The following ZSCAN5A variants were observed in gnomAD, a reference collection of about 807,000 sequenced individuals.
The protein encoded by ZSCAN5A is zinc finger and SCAN domain-containing protein 5A.
In ZSCAN5A, 12 loss-of-function variants were observed where a neutral mutation model predicts 23.7. The ratio of observed to expected loss-of-function variants is 0.51; its 90% confidence interval spans 0.32 to 0.82. The LOEUF (loss-of-function observed/expected upper bound fraction) is 0.82. Among genes scored for constraint, ZSCAN5A ranks in the 40% least tolerant of loss-of-function variants. The pLI is 0.03. For missense variants in ZSCAN5A, 597 were observed against 617.9 expected (o/e 0.97, Z 0.36); for synonymous variants, 257 against 239.9 (o/e 1.07, Z -0.66).
intron 2 of ZSCAN5A, among the ~76,000 whole-genome samples, chr19:56,346,128 A>G (rs116243848): frequency 0.011 from 1,714 of 152,038 alleles, 31 homozygotes; most frequent in African/African-American, 0.04. Context: ...GTCAGCTGAG[A>G]AGAAAAAACC....
At chr19:56,238,063 C>A (rs973012427) in intron 2 of ZSCAN5A, among the ~76,000 whole-genome samples, 12 of 7,688 alleles carry the variant, frequency 1.6e-3, no homozygotes, top group Non-Finnish European at 2.5e-3. Context: ...TGTGTCTAGT[C>A]CCCTAGACAC....
intron 2 of ZSCAN5A, among the ~76,000 whole-genome samples, chr19:56,240,360 C>A (rs751864354): frequency 3.3e-5 from 5 of 152,132 alleles, no homozygotes; most frequent in African/African-American, 9.7e-5. Flanking sequence ...GAAATGTAAT[C>A]AACTCGGATC....
intron 2 of ZSCAN5A, chr19:56,247,510 G>T (rs75847116): frequency 6.2e-6 from 1 of 161,048 alleles, no homozygotes; most frequent in Non-Finnish European, 1.4e-5. Flanking sequence ...TTTCACTGAC[G>T]CTATTAGATG....
intron 2 of ZSCAN5A, among the ~76,000 whole-genome samples, chr19:56,249,652 T>G (rs1318883348): frequency 6.6e-6 from 1 of 152,222 alleles, no homozygotes; most frequent in Non-Finnish European, 1.5e-5. Flanking sequence ...ACTGTTCACA[T>G]GGTTCTTTAA....
At chr19:56,318,305 A>T (rs2041339102), upstream of ZSCAN5A, among the ~76,000 whole-genome samples, 1 of 152,218 alleles carries the variant, frequency 6.6e-6, no homozygotes, top group African/African-American at 2.4e-5. Context: ...AACAAGGCAC[A>T]TTAAATACAT....
intron 2 of ZSCAN5A, chr19:56,310,310 T>A (rs2040956807): frequency 6.6e-6 from 1 of 152,208 alleles, no homozygotes; most frequent in Non-Finnish European, 1.5e-5. Flanking sequence ...GGCCAGAAGG[T>A]GTCTGTGGGG....
chr19:56,253,059 G>A (rs1340384131), intron 2 of ZSCAN5A, among the ~76,000 whole-genome samples: 1 of 152,234 alleles, frequency 6.6e-6, no homozygotes. Flanking sequence ...GTGATTGCAG[G>A]GCCGGCACTG....
At chr19:56,313,537 A>G (rs1376468204) in intron 1 of ZSCAN5A, 153 bp from the exon 2 acceptor site, 1 of 153,370 alleles carries the variant, frequency 6.5e-6, no homozygotes, top group African/African-American at 2.4e-5. Context: ...CAGCCAAACC[A>G]TATCAGAAGA....
intron 2 of ZSCAN5A, chr19:56,245,507 G>T (rs891410481): frequency 2.1e-5 from 9 of 418,900 alleles, no homozygotes; most frequent in Non-Finnish European, 3.9e-5. Context: ...GACTGATTGA[G>T]AGATTTGGCA....
At position 56,225,220 on chromosome 19, in the gene ZSCAN5A, T is replaced by C. The variant is rs542606114; in HGVS notation, c.-127-47A>G. On this transcript the variant is annotated intron_variant, in intron 2 of 5. Transcript: ENST00000683990. ...CTCATTAGTTTAAGTTACTACTCCA[T>C]CCATCCCTCCCTTCGAAATCCCTCA... 162 of 1,403,132 alleles carry C rather than the reference T, an allele frequency of 1.2e-4. 1 individual carries two copies. In the African/African-American group the frequency reaches 2.2e-3, roughly 19 times the overall value. 86.9% of individuals were successfully genotyped at this position (1,403,132 alleles called of 1,614,324 possible).
At chr19:56,329,013 AT>A (rs1367896113) in intron 2 of ZSCAN5A, among the ~76,000 whole-genome samples, 302 of 150,578 alleles carry the variant, frequency 2.0e-3, no homozygotes, top group African/African-American at 6.8e-3. Context: ...AAAAAAATAA[AT>A]AAATAAATAA....
At chr19:56,223,863 C>A (rs2033603851) in intron 3 of ZSCAN5A, 29 bp from the exon 4 acceptor site, 2 of 1,590,408 alleles carry the variant, frequency 1.3e-6, no homozygotes, top group Admixed American at 1.7e-5. Context: ...CAATCAGACT[C>A]ACCATGAGAA....
intron 3 of ZSCAN5A, chr19:56,224,326 G>A: frequency 3.0e-6 from 1 of 331,312 alleles, no homozygotes; most frequent in Non-Finnish European, 5.5e-6. Context: ...TTTCTTTCAT[G>A]TTGGCCTCAC....
intron 2 of ZSCAN5A, among the ~76,000 whole-genome samples, chr19:56,356,409 C>A (rs2041700924): frequency 6.7e-6 from 1 of 148,472 alleles, no homozygotes; most frequent in Non-Finnish European, 1.5e-5. Flanking sequence ...ATATACGTAT[C>A]AATCTTATGA....
At chr19:56,319,913 T>C (rs2041357273) in intron 2 of ZSCAN5A, 1 of 1,158,138 alleles carries the variant, frequency 8.6e-7, no homozygotes, top group Admixed American at 1.7e-5. Flanking sequence ...CAAAAATTCA[T>C]TGAGTTCAAC....
chr19:56,326,816 A>G (rs995940721), intron 2 of ZSCAN5A, among the ~76,000 whole-genome samples: 2 of 152,140 alleles, frequency 1.3e-5, no homozygotes, highest in African/African-American at 2.4e-5. Flanking sequence ...CTCATAATCA[A>G]TCATGCCAAG....
intron 2 of ZSCAN5A, among the ~76,000 whole-genome samples, chr19:56,289,125 G>T (rs1476885240): frequency 1.3e-5 from 2 of 152,146 alleles, no homozygotes; most frequent in Admixed American, 6.5e-5. Flanking sequence ...AGGGAGCCCT[G>T]GTTTGTAGCG....
At chr19:56,232,675 T>C (rs1002046252) in intron 2 of ZSCAN5A, among the ~76,000 whole-genome samples, 1 of 110,418 alleles carries the variant, frequency 9.1e-6, no homozygotes, top group Non-Finnish European at 2.2e-5. Flanking sequence ...TAATTTTTTT[T>C]TCTTTTTCTT....
At chr19:56,324,223 T>C (rs1032004251) in intron 2 of ZSCAN5A, among the ~76,000 whole-genome samples, 1 of 152,236 alleles carries the variant, frequency 6.6e-6, no homozygotes, top group African/African-American at 2.4e-5. Context: ...GAAGATGGAA[T>C]ATTTGTCCAT....
Sources: allele counts gnomAD v4.1 joint callset (sites outside exome capture counted in the v4.1 genomes callset), GRCh38; gene constraint gnomAD v4.1.1; transcripts MANE v1.5; gene names NCBI Gene and HGNC (gene_info 2026-07-23, HGNC 2026-07-21).